Variants in PARD3 observed in about 807,000 individuals in gnomAD.
The protein encoded by PARD3 is partitioning defective 3 homolog.
A neutral mutation model predicts 155.4 loss-of-function variants in PARD3; 75 were observed. That is an observed-to-expected ratio of 0.48 (90% confidence interval 0.40 to 0.58). The LOEUF (loss-of-function observed/expected upper bound fraction) is 0.58. Among genes scored for constraint, PARD3 ranks in the 20% least tolerant of loss-of-function variants. The probability of loss-of-function intolerance (pLI) is 0.00; values close to 1 mark genes in which losing one functional copy is unlikely to be tolerated. For missense variants in PARD3, 1,642 were observed against 1,721.7 expected (o/e 0.95, Z 0.82); for synonymous variants, 576 against 610.5 (o/e 0.94, Z 0.83).
intron 22 of PARD3, among the ~76,000 whole-genome samples, chr10:34,263,577 T>C (rs1367656619): frequency 1.3e-5 from 2 of 152,208 alleles, no homozygotes; most frequent in Non-Finnish European, 2.9e-5. Flanking sequence ...GAGGATTGCT[T>C]AAGCCCAGGA....
chr10:34,166,110 T>C lies in PARD3; in HGVS notation c.3420-34527A>G, dbSNP rs1001646321. On this transcript the variant is annotated intron_variant, in intron 22 of 24. Coordinates refer to ENST00000374788, the MANE Select transcript of PARD3 (RefSeq NM_001184785.2). ...TTACAGATATGAAGTACTTTATTGC[T>C]GATAAAATATGAAGCTTTGAAAAAG... Among the ~76,000 whole-genome samples, 18 of 152,328 alleles carry C rather than the reference T, an allele frequency of 1.2e-4. 1 individual carries two copies. Among genetic ancestry groups the C allele is most frequent in the Admixed American group, 9.8e-4 (15 of 15,300 alleles).
intron 3 of PARD3, among the ~76,000 whole-genome samples, chr10:34,496,220 A>G (rs1029895785): frequency 1.4e-5 from 2 of 145,728 alleles, no homozygotes; most frequent in African/African-American, 5.0e-5. Flanking sequence ...GAAGAAGAAG[A>G]AAAAAAAAAA....
chr10:34,284,039 T>C (rs1488657039), intron 21 of PARD3, 96 bp downstream of exon 21: 3 of 734,706 alleles, frequency 4.1e-6, no homozygotes, highest in Non-Finnish European at 7.0e-6. Flanking sequence ...GAAGAGTAAT[T>C]AAATGTAAAA....
chr10:34,413,365 G>T (rs1845316251), intron 5 of PARD3, among the ~76,000 whole-genome samples: 1 of 151,872 alleles, frequency 6.6e-6, no homozygotes. Flanking sequence ...AGGAAAGTGG[G>T]TTCAGAAGCC....
intron 4 of PARD3, among the ~76,000 whole-genome samples, chr10:34,452,333 A>C (rs1293598368): frequency 1.3e-5 from 2 of 152,220 alleles, no homozygotes; most frequent in African/African-American, 4.8e-5. Context: ...TCTTTTCAGA[A>C]GAATGCCAAA....
In PARD3 at chr10:34,445,297, A is replaced by G. The variant is rs1385278487; in HGVS notation, c.714+5020T>C. ...CTAAGATTCCTCTTCTGCACAAACA[A>G]TAGTGCTTACTTCTGAAAAAATTTG... On this transcript the variant is annotated intron_variant, in intron 5 of 24. Transcript: ENST00000374788. Among the ~76,000 whole-genome samples, 5 of 152,206 alleles carry G rather than the reference A, an allele frequency of 3.3e-5. No homozygotes were observed. In the South Asian group the frequency reaches 1.0e-3, roughly 31 times the overall value.
At chr10:34,479,428 TG>T (rs1211923969) in intron 3 of PARD3, among the ~76,000 whole-genome samples, 3 of 152,166 alleles carry the variant, frequency 2.0e-5, no homozygotes, top group Admixed American at 1.3e-4. Context: ...CCCAAAGTCC[TG>T]GGATTACTTT....
intron 3 of PARD3, among the ~76,000 whole-genome samples, chr10:34,497,342 A>C (rs2133384608): frequency 6.6e-6 from 1 of 152,350 alleles, no homozygotes; most frequent in East Asian, 1.9e-4. Flanking sequence ...TAGGCCTTAT[A>C]AGTAATCTAG....
rs572969550 is a variant in PARD3, at chr10:34,722,283, T to C, written c.121-25864A>G. 4.6e-5 allele frequency among the ~76,000 whole-genome samples: 7 copies of C among 152,266 alleles called. No homozygotes were observed. The East Asian group carries it at 9.6e-4, about 21-fold the overall frequency. ...TATAGACTGTTTATCTATGTATATA[T>C]AGATTGTCTAAACAGTAACAAATAA... On this transcript the variant is annotated intron_variant, in intron 1 of 24. Coordinates refer to ENST00000374788, the MANE Select transcript of PARD3 (RefSeq NM_001184785.2).
intron 2 of PARD3, among the ~76,000 whole-genome samples, chr10:34,607,670 T>C (rs1185004190): frequency 6.6e-6 from 1 of 152,226 alleles, no homozygotes; most frequent in Non-Finnish European, 1.5e-5. Context: ...AAGATACTTC[T>C]GTTTGCATCA....
intron 3 of PARD3, among the ~76,000 whole-genome samples, chr10:34,501,479 C>T (rs749787031): frequency 6.6e-5 from 10 of 152,214 alleles, no homozygotes; most frequent in South Asian, 2.1e-4. Flanking sequence ...TGAAAGTTAC[C>T]CCAGTCCCAG....
At chr10:34,514,041 T>C (rs1363206110) in intron 3 of PARD3, among the ~76,000 whole-genome samples, 2 of 152,184 alleles carry the variant, frequency 1.3e-5, no homozygotes, top group Non-Finnish European at 2.9e-5. Context: ...TAGGGAAACA[T>C]AAAAAGACCT....
chr10:34,267,274 CAAGT>C (rs1955366969), intron 22 of PARD3, among the ~76,000 whole-genome samples: 1 of 152,022 alleles, frequency 6.6e-6, no homozygotes, highest in Admixed American at 6.6e-5. Context: ...TGGCAGAAAC[CAAGT>C]AAGAGCTTTT....
chr10:34,219,592 T>G (rs1952177143), intron 22 of PARD3, among the ~76,000 whole-genome samples: 3 of 152,202 alleles, frequency 2.0e-5, no homozygotes, highest in African/African-American at 7.2e-5. Context: ...CTCTGTTAAT[T>G]TAGCAGGCCT....
chr10:34,167,017 C>G (rs1949560954), intron 22 of PARD3, among the ~76,000 whole-genome samples: 1 of 152,088 alleles, frequency 6.6e-6, no homozygotes, highest in Non-Finnish European at 1.5e-5. Context: ...ACCAATTTGT[C>G]TGGGCAGTAA....
intron 3 of PARD3, among the ~76,000 whole-genome samples, chr10:34,479,457 G>A (rs2078932173): frequency 1.3e-5 from 2 of 152,074 alleles, no homozygotes; most frequent in South Asian, 4.2e-4. Flanking sequence ...GTGAGCCACG[G>A]CACCCAGCCT....
intron 3 of PARD3, among the ~76,000 whole-genome samples, chr10:34,499,397 A>G (rs11009807): frequency 5.4e-4 from 82 of 152,306 alleles, no homozygotes; most frequent in Middle Eastern, 3.4e-3. Context: ...TGCTCTGGAC[A>G]CTCAGCAAGC....
chr10:34,346,340 T>C, intron 15 of PARD3: 1 of 1,281,264 alleles, frequency 7.8e-7, no homozygotes, highest in South Asian at 1.3e-5. Flanking sequence ...GGTTTGAGTT[T>C]TAGTTTTAGT....
intron 2 of PARD3, among the ~76,000 whole-genome samples, chr10:34,640,815 C>A (rs1340059405): frequency 2.7e-5 from 4 of 150,642 alleles, no homozygotes; most frequent in Non-Finnish European, 5.9e-5. Flanking sequence ...AATGCCATTG[C>A]CAGCTATATA....
Sources: gnomAD v4.1 joint callset for allele counts (sites outside exome capture counted in the v4.1 genomes callset) on GRCh38, gnomAD v4.1.1 for gene constraint, MANE v1.5 for transcripts, NCBI Gene and HGNC (gene_info 2026-07-23, HGNC 2026-07-21) for gene names.